Variants in CNTN4 observed in about 807,000 individuals in gnomAD.
CNTN4 encodes the protein contactin 4.
CNTN4 carries 77 observed loss-of-function variants against 122.5 expected under a neutral mutation model. The observed-to-expected ratio is 0.63, with a 90% confidence interval of 0.52 to 0.76. The LOEUF (loss-of-function observed/expected upper bound fraction) is 0.76, where lower values mean the gene tolerates loss of function less well. CNTN4 is among the 30% of genes least tolerant of loss of function. The probability of loss-of-function intolerance (pLI) is 0.00; values close to 1 mark genes in which losing one functional copy is unlikely to be tolerated. For synonymous variants in CNTN4, 512 were observed against 447.0 expected, an observed-to-expected ratio of 1.15 and a Z score of -1.83; for missense variants, 1,256 against 1,259.1, an observed-to-expected ratio of 1.00 and a Z score of 0.04.
rs141826559 is a variant in CNTN4, at chr3:2,363,548, A to G, written c.-89+24315A>G. 1.4e-4 allele frequency among the ~76,000 whole-genome samples: 22 copies of G among 152,304 alleles called. No homozygotes were observed. The East Asian group carries it at 4.2e-3, about 29-fold the overall frequency. ...ATAACAACCATGTGAGGTAGACATT[A>G]TTATTCACATATTTTATATGTGTAG... On this transcript the variant is annotated intron_variant, in intron 3 of 24. Transcript: ENST00000418658.
intron 13 of CNTN4, 141 bp from the exon 14 acceptor site, chr3:2,988,200 CTAAA>C (rs1694752976): frequency 4.0e-6 from 3 of 751,414 alleles, no homozygotes; most frequent in Non-Finnish European, 6.8e-6. Context: ...GACAAATACC[CTAAA>C]TAAAGATGAG....
intron 4 of CNTN4, among the ~76,000 whole-genome samples, chr3:2,694,748 G>T (rs906071462): frequency 1.3e-5 from 2 of 152,020 alleles, no homozygotes; most frequent in Admixed American, 6.6e-5. Flanking sequence ...AAGAAAGAAA[G>T]AAATTGAACA....
chr3:2,317,429 C>T (rs1332598976), intron 2 of CNTN4, among the ~76,000 whole-genome samples: 3 of 152,196 alleles, frequency 2.0e-5, no homozygotes, highest in Non-Finnish European at 4.4e-5. Flanking sequence ...TACTTTTCAA[C>T]TCCTGATCTT....
rs201877364 is a variant in CNTN4 at position 2,754,745 on chromosome 3, GA to G, written c.358+9061del. 7.8e-3 allele frequency among the ~76,000 whole-genome samples: 929 copies of G among 119,360 alleles called. 2 individuals carry two copies. The highest frequency in any genetic ancestry group is 0.01 in the Non-Finnish European group (561 of 55,828). 78.3% of individuals were successfully genotyped at this position (119,360 alleles called of 152,430 possible). A position where few individuals can be genotyped will look rare whatever the true frequency, so the allele number is the denominator to read the frequency against. ...CTCTTCTGCTGTTGCGGAATGAAGT[GA>G]AAAAAAAAAAAAGAAAAGAAAAAAT... On this transcript the variant is annotated intron_variant, in intron 6 of 24. Transcript: ENST00000418658.
intron 3 of CNTN4, among the ~76,000 whole-genome samples, chr3:2,405,845 A>C (rs1188018692): frequency 6.6e-6 from 1 of 152,020 alleles, no homozygotes; most frequent in African/African-American, 2.4e-5. Context: ...CAACATGGCA[A>C]AATCTCATCT....
intron 6 of CNTN4, among the ~76,000 whole-genome samples, chr3:2,755,828 G>A (rs1339168195): frequency 6.6e-6 from 1 of 152,040 alleles, no homozygotes; most frequent in African/African-American, 2.4e-5. Context: ...AGATTCATCA[G>A]ACTTTTAAAA....
intron 3 of CNTN4, among the ~76,000 whole-genome samples, chr3:2,396,906 T>C (rs1046505897): frequency 6.6e-6 from 1 of 152,168 alleles, no homozygotes; most frequent in Non-Finnish European, 1.5e-5. Context: ...TGGTGTGTTA[T>C]GGGGTTTAGG....
At chr3:2,717,795 A>AATT (rs60217812) in intron 4 of CNTN4, among the ~76,000 whole-genome samples, 151,384 of 152,254 alleles carry the variant, frequency 0.99, 75,263 homozygotes, top group East Asian at 1. Context: ...TCACTCCAAT[A>AATT]CTTGCCATCA....
intron 2 of CNTN4, among the ~76,000 whole-genome samples, chr3:2,203,419 G>C (rs11921464): frequency 6.6e-6 from 1 of 152,008 alleles, no homozygotes; most frequent in African/African-American, 2.4e-5. Context: ...ATAATATCCA[G>C]ATTCTGCTTG....
chr3:2,665,112 C>T (rs1315710909), intron 4 of CNTN4, among the ~76,000 whole-genome samples: 1 of 152,162 alleles, frequency 6.6e-6, no homozygotes, highest in Non-Finnish European at 1.5e-5. Flanking sequence ...CCTCAAGGGA[C>T]TGATGATGTA....
At chr3:2,654,027 G>T (rs2083472170) in intron 4 of CNTN4, among the ~76,000 whole-genome samples, 1 of 152,076 alleles carries the variant, frequency 6.6e-6, no homozygotes, top group Admixed American at 6.6e-5. Context: ...TTGTTTTGTT[G>T]CCCTTGGTAG....
intron 3 of CNTN4, among the ~76,000 whole-genome samples, chr3:2,420,768 A>T (rs6773382): frequency 0.92 from 140,104 of 152,144 alleles, 64,520 homozygotes; most frequent in East Asian, 0.98. Context: ...TCCCCTTGTC[A>T]TTTCCTCATT....
chr3:2,278,432 A>T (rs868186375), intron 2 of CNTN4, among the ~76,000 whole-genome samples: 2 of 152,142 alleles, frequency 1.3e-5, no homozygotes, highest in South Asian at 4.1e-4. Flanking sequence ...GGTGCTACTT[A>T]CTAGGATCTT....
intron 7 of CNTN4, among the ~76,000 whole-genome samples, chr3:2,844,503 G>A (rs17021349): frequency 0.013 from 1,958 of 152,176 alleles, 36 homozygotes; most frequent in African/African-American, 0.045. Context: ...AGGACGCCTC[G>A]ATGGAAAAGT....
intron 1 of CNTN4, among the ~76,000 whole-genome samples, chr3:2,100,066 C>T (rs551612566): frequency 1.3e-5 from 2 of 152,162 alleles, no homozygotes; most frequent in Non-Finnish European, 2.9e-5. Flanking sequence ...TCTGCAGATT[C>T]GGTGCGAAGA....
intron 2 of CNTN4, among the ~76,000 whole-genome samples, chr3:2,251,268 T>G (rs1190809670): frequency 2.6e-5 from 4 of 151,950 alleles, no homozygotes; most frequent in Admixed American, 2.0e-4. Context: ...ACAGGAATGC[T>G]AATGAAATCC....
intron 4 of CNTN4, among the ~76,000 whole-genome samples, chr3:2,721,725 T>C (rs2149398470): frequency 6.6e-6 from 1 of 152,140 alleles, no homozygotes; most frequent in Non-Finnish European, 1.5e-5. Context: ...GTTTGCCTGC[T>C]CACCTCCTTC....
chr3:2,242,763 T>A (rs2039993259), intron 2 of CNTN4, among the ~76,000 whole-genome samples: 1 of 152,116 alleles, frequency 6.6e-6, no homozygotes, highest in Non-Finnish European at 1.5e-5. Flanking sequence ...AATAATATCA[T>A]GCATCACAAA....
chr3:2,501,260 C>T (rs1341356660), intron 3 of CNTN4, among the ~76,000 whole-genome samples: 2 of 152,068 alleles, frequency 1.3e-5, no homozygotes, highest in East Asian at 1.9e-4. Context: ...ATTTCAATTC[C>T]GGATTACTAG....
Sources: gnomAD v4.1 joint callset for allele counts (sites outside exome capture counted in the v4.1 genomes callset) on GRCh38, gnomAD v4.1.1 for gene constraint, MANE v1.5 for transcripts, NCBI Gene and HGNC (gene_info 2026-07-23, HGNC 2026-07-21) for gene names.